The following GRM4 variants were observed in gnomAD, a reference collection of about 807,000 sequenced individuals.
GRM4 encodes the protein glutamate metabotropic receptor 4, also known as metabotropic glutamate receptor 4.
In GRM4, 28 loss-of-function variants were observed where a neutral mutation model predicts 81.7. The ratio of observed to expected loss-of-function variants is 0.34; its 90% CI spans 0.25 to 0.47. GRM4 has a LOEUF of 0.47. Ranked by LOEUF, GRM4 falls within the 20% of genes least tolerant of loss-of-function variation. The pLI is 1.00. For missense variants in GRM4, 948 were observed against 1,290.0 expected, an observed-to-expected ratio of 0.73 and a Z score of 4.06; for synonymous variants, 488 against 528.8, an observed-to-expected ratio of 0.92 and a Z score of 1.06.
chr6:34,137,007 A>G (rs902194), intron 1 of GRM4, among the ~76,000 whole-genome samples: 151,125 of 152,260 alleles, frequency 0.99, 75,011 homozygotes, highest in Middle Eastern at 1. Flanking sequence ...TGCAGAGGGA[A>G]GAGCTGGGGG....
At chr6:34,150,061 C>G (rs1013293363), upstream of GRM4, among the ~76,000 whole-genome samples, 2 of 152,164 alleles carry the variant, frequency 1.3e-5, no homozygotes, top group Non-Finnish European at 2.9e-5. Context: ...TAATATCTTT[C>G]TAAATTCCAA....
chr6:34,056,413 G>C, intron 6 of GRM4, 131 bp downstream of exon 6: 4 of 779,992 alleles, frequency 5.1e-6, no homozygotes, highest in Non-Finnish European at 8.1e-6. Context: ...CCCAGGTGCA[G>C]GCCCAACTGC....
chr6:34,151,951 A>T (rs1270334245), intron 1 of GRM4, among the ~76,000 whole-genome samples: 1 of 151,980 alleles, frequency 6.6e-6, no homozygotes, highest in African/African-American at 2.4e-5. Context: ...GGGGGATGAA[A>T]GAATGGAGTG....
chr6:34,148,399 C>T (rs956814592), upstream of GRM4, among the ~76,000 whole-genome samples: 1 of 2,802 alleles, frequency 3.6e-4, no homozygotes, highest in Non-Finnish European at 2.8e-3. Context: ...CACACAGAGA[C>T]ACACACACAG....
intron 3 of GRM4, chr6:34,063,011 G>A (rs12192574): frequency 0.33 from 50,816 of 152,186 alleles, 9,428 homozygotes; most frequent in Non-Finnish European, 0.42. Context: ...GAGACCCCCA[G>A]AGAATAAGAC....
intron 3 of GRM4, among the ~76,000 whole-genome samples, chr6:34,072,856 A>AT (rs1208825537): frequency 1.4e-5 from 1 of 69,024 alleles, no homozygotes; most frequent in Non-Finnish European, 3.4e-5. Context: ...CCACACACAC[A>AT]ATCACCACAC....
chr6:34,145,770 G>C (rs1018792785), intron 1 of GRM4, among the ~76,000 whole-genome samples: 1 of 152,224 alleles, frequency 6.6e-6, no homozygotes, highest in Non-Finnish European at 1.5e-5. Flanking sequence ...AGTTTGCGCT[G>C]AAAGTGCGGG....
chr6:34,103,955 G>A, intron 2 of GRM4: 1 of 803,254 alleles, frequency 1.2e-6, no homozygotes, highest in Non-Finnish European at 1.7e-6. Context: ...ACACACAGGA[G>A]GTGCGACAGG....
intron 9 of GRM4, among the ~76,000 whole-genome samples, chr6:34,029,933 A>C (rs1008731278): frequency 6.6e-6 from 1 of 152,232 alleles, no homozygotes; most frequent in East Asian, 1.9e-4. Flanking sequence ...GAAATGTCAC[A>C]GGCCCAGGGA....
intron 3 of GRM4, among the ~76,000 whole-genome samples, chr6:34,079,761 C>G (rs1202398847): frequency 6.6e-6 from 1 of 152,168 alleles, no homozygotes; most frequent in East Asian, 1.9e-4. Flanking sequence ...CCACAGGCAA[C>G]CCAGAAGCAA....
At chr6:34,067,369 G>GCTCCCTCCCTCCCTCCTTCC (rs1435753817) in intron 3 of GRM4, among the ~76,000 whole-genome samples, 1 of 118,922 alleles carries the variant, frequency 8.4e-6, no homozygotes. Flanking sequence ...TCCTTCCTTC[G>GCTCCCTCCCTCCCTCCTTCC]CTCCCTCCCT....
At chr6:34,073,259 T>TCATC (rs1561793171) in intron 3 of GRM4, among the ~76,000 whole-genome samples, 2 of 470 alleles carry the variant, frequency 4.3e-3, no homozygotes, top group African/African-American at 9.3e-3. Context: ...CATCACCACA[T>TCATC]AGATACCACG....
rs75489899 is a variant in GRM4, at chr6:34,096,463, C to T, written c.520-4364G>A. Among the ~76,000 whole-genome samples the T allele has an allele frequency of 8.1e-3, 1,231 of 152,348 alleles. 9 individuals carry two copies. Among genetic ancestry groups the T allele is most frequent in the East Asian group, 0.017 (89 of 5,186 alleles). The stretch of plus-strand genomic sequence containing the variant: ...GCCCCAAGGGCACCAGGCACGTCCT[C>T]CCGGTGTTACTATTCTCTGCCTACT... On this transcript the variant is annotated intron_variant, in intron 2 of 10. Transcript: ENST00000538487.
rs1045767399 is a variant in GRM4, at chr6:34,075,386, T to G, written c.737-13358A>C. On this transcript the variant is annotated intron_variant, in intron 3 of 10. Coordinates refer to ENST00000538487, the MANE Select transcript of GRM4 (RefSeq NM_000841.4). Reference sequence around the variant, plus strand: ...CCAACTCAGCCAGAACGTTCCCCTCTAGACCTTTCCCAGTACTGGTCCCTC... The same window carrying G: ...CCAACTCAGCCAGAACGTTCCCCTCGAGACCTTTCCCAGTACTGGTCCCTC... Among the ~76,000 whole-genome samples the G allele has an allele frequency of 1.1e-4, 17 of 152,218 alleles. 1 individual carries two copies. Among genetic ancestry groups the G allele is most frequent in the Admixed American group, 8.5e-4 (13 of 15,288 alleles).
At chr6:34,086,955 C>T (rs1236266174) in intron 3 of GRM4, among the ~76,000 whole-genome samples, 1 of 152,082 alleles carries the variant, frequency 6.6e-6, no homozygotes, top group African/African-American at 2.4e-5. Flanking sequence ...GACCCCATCC[C>T]TACAAAAAAT....
At position 34,145,425 on chromosome 6, in the gene GRM4, C is replaced by G. The variant is rs570849874; in HGVS notation, c.-364+575G>C. On this transcript the variant is annotated intron_variant, in intron 1 of 10. Coordinates refer to ENST00000538487, the MANE Select transcript of GRM4 (RefSeq NM_000841.4). ...TCCGAGCCGGAAGGAGCGGGAGAGGCGGCAAGAGGAGCTGGGTCTGGCCGA... is the reference window on the plus strand; with the variant it reads ...TCCGAGCCGGAAGGAGCGGGAGAGGGGGCAAGAGGAGCTGGGTCTGGCCGA... 4.6e-4 allele frequency among the ~76,000 whole-genome samples: 70 copies of G among 152,264 alleles called. No individual in the cohort carries two copies. In the East Asian group the frequency reaches 0.013, roughly 28 times the overall value.
chr6:34,035,642 G>T lies in GRM4; in HGVS notation c.2442+26C>A. 8.1e-6 allele frequency: 5 copies of T among 617,416 alleles called. No individual in the cohort carries two copies. Among genetic ancestry groups the T allele is most frequent in the Non-Finnish European group, 1.5e-5 (5 of 336,704 alleles). 38.2% of individuals were successfully genotyped at this position (617,416 alleles called of 1,614,324 possible). ...TGCTCACTGCCCTCACCTACCCACC[G>T]TCCACCCCCGGCCCCCACCACTCAC... On this transcript the variant is annotated intron_variant, in intron 9 of 10. Transcript: ENST00000538487. The surrounding 1 kb of genome is among the most constrained non-coding windows in gnomAD (Gnocchi z 6.6).
chr6:34,024,445 G>C, intron 10 of GRM4: 1 of 317,374 alleles, frequency 3.2e-6, no homozygotes, highest in South Asian at 2.7e-5. Flanking sequence ...TTACGGCAGA[G>C]AGCAACAAAC....
chr6:34,125,722 C>T (rs1230013260), intron 2 of GRM4, among the ~76,000 whole-genome samples: 1 of 152,246 alleles, frequency 6.6e-6, no homozygotes, highest in Non-Finnish European at 1.5e-5. Flanking sequence ...TCCCCTCCTT[C>T]CACGTCCCTT....
Sources: gnomAD v4.1 joint callset for allele counts (sites outside exome capture counted in the v4.1 genomes callset) on GRCh38, gnomAD v4.1.1 for gene constraint, Gnocchi (gnomAD v3.1) non-coding constraint, MANE v1.5 for transcripts, NCBI Gene and HGNC (gene_info 2026-07-23, HGNC 2026-07-21) for gene names.